SERPINC1: variants seen among roughly 807,000 people sequenced by gnomAD.
The protein encoded by SERPINC1 is serpin family C member 1.
Under a neutral mutation model 43.4 loss-of-function variants are expected in SERPINC1, and 12 were observed. The observed-to-expected ratio is 0.28, with a 90% CI of 0.18 to 0.45. SERPINC1 has a LOEUF of 0.45. SERPINC1 is among the 20% of genes least tolerant of loss of function. The pLI is 1.00. For synonymous variants in SERPINC1, 210 were observed against 218.9 expected, an observed-to-expected ratio of 0.96 and a Z score of 0.36; for missense variants, 423 against 578.8, an observed-to-expected ratio of 0.73 and a Z score of 2.76.
chr1:173,913,658 T>TA (rs1264862080), intron 2 of SERPINC1, among the ~76,000 whole-genome samples: 1 of 151,990 alleles, frequency 6.6e-6, no homozygotes, highest in Non-Finnish European at 1.5e-5. Flanking sequence ...AGTTCAAGAC[T>TA]AGCCTGGCCA....
At position 173,910,838 on chromosome 1, in the gene SERPINC1, G is replaced by C. The variant is rs2227627; in HGVS notation, c.678C>G (p.Thr226=). The change falls in exon 4 of 7, where the codon ACC becomes ACG. Residue 226 remains threonine, a synonymous_variant. Transcript: ENST00000367698. ...AAINKWVSNK[T]EGRITDVIPS... ...GAATGACATCGGTGATTCGGCCTTC[G>C]GTCTTATTGGACACCCATTTGTTGA... The C allele has an allele frequency of 6.2e-6, 10 of 1,613,920 alleles. 1 individual carries two copies. The highest frequency in any genetic ancestry group is 2.2e-5 in the South Asian group (2 of 91,080).
At chr1:173,905,635 C>T (rs1420328642) in intron 6 of SERPINC1, among the ~76,000 whole-genome samples, 6 of 151,994 alleles carry the variant, frequency 3.9e-5, no homozygotes, top group South Asian at 2.1e-4. Context: ...GCGAGAGGAT[C>T]GCTTGAACCC....
In SERPINC1 at chr1:173,914,769, C is replaced by T. The variant is rs1462236331; in HGVS notation, c.192G>A (p.Glu64=). ...GGATCTTCTGTTCTGAGCCCTCATC[C>T]TCAGTTGCCTTCTTCTCCGGGGAGC... ...IYRSPEKKAT[E]DEGSEQKIPE... Residue 64 remains glutamate (E), a synonymous_variant, in exon 2 of 7, where the codon GAG becomes GAA. Coordinates refer to ENST00000367698, the MANE Select transcript of SERPINC1 (RefSeq NM_000488.4). 2 of 1,614,076 alleles carry T rather than the reference C, an allele frequency of 1.2e-6. No individual in the cohort carries two copies. The highest frequency in any genetic ancestry group is 1.7e-6 in the Non-Finnish European group (2 of 1,179,998).
intron 2 of SERPINC1, 61 bp downstream of exon 2, chr1:173,914,492 C>T (rs1657903461): frequency 6.2e-7 from 1 of 1,601,918 alleles, no homozygotes; most frequent in African/African-American, 1.3e-5. Context: ...TGGACTTGGG[C>T]CTATGGAAGC....
In SERPINC1 at chr1:173,910,040, T is replaced by C. The variant is rs2227610; in HGVS notation, c.763-98A>G. 1,244 of 1,255,008 alleles carry C rather than the reference T, an allele frequency of 9.9e-4. 9 individuals carry two copies. In the African/African-American group the frequency reaches 0.015, roughly 15 times the overall value. 77.7% of individuals were successfully genotyped at this position (1,255,008 alleles called of 1,614,324 possible). On this transcript the variant is annotated intron_variant, in intron 4 of 6. Transcript: ENST00000367698. ...TTATAGTGTTACATTAATATATAAT[T>C]ATTCGGAAAAAAGACTGGCGGGATA... is the stretch of plus-strand genomic sequence containing the variant.
At chr1:173,908,490 CAAAAAAAAAAA>C (rs753240633) in intron 5 of SERPINC1, among the ~76,000 whole-genome samples, 2 of 54,046 alleles carry the variant, frequency 3.7e-5, no homozygotes, top group East Asian at 4.7e-4. Context: ...GACTTCGTCT[CAAAAAAAAAAA>C]AAAAAAAAAA....
At chr1:173,905,650 G>A (rs1326046818) in intron 6 of SERPINC1, among the ~76,000 whole-genome samples, 1 of 152,080 alleles carries the variant, frequency 6.6e-6, no homozygotes, top group Non-Finnish European at 1.5e-5. Flanking sequence ...GAACCCAGGA[G>A]GCGGAGGTTG....
chr1:173,904,203 C>T (rs1283541062), intron 6 of SERPINC1, 138 bp from the exon 7 acceptor site: 8 of 759,120 alleles, frequency 1.1e-5, no homozygotes, highest in Non-Finnish European at 1.8e-5. Flanking sequence ...GGTTGGATTC[C>T]CTCCAGAATC....
In SERPINC1 at chr1:173,914,564, G is replaced by T. The variant is rs1411331203; in HGVS notation, c.397C>A (p.Gln133Lys). 1 of 1,614,022 alleles carries T rather than the reference G, an allele frequency of 6.2e-7. No individual in the cohort carries two copies. Among genetic ancestry groups the T allele is most frequent in the African/African-American group, 1.3e-5 (1 of 74,922 alleles). ...KLGACNDTLQ[Q>K]LMEVFKFDTI... ...ACCTTTGGTCGTACCTCCATCAGTT[G>T]CTGGAGGGTGTCATTACAGGCACCC... The change falls in exon 2 of 7, where the codon CAA becomes AAA. Residue 133 changes from glutamine to lysine, a missense_variant. Physicochemically the swap from Gln to Lys is moderately conservative, Grantham distance 53 (BLOSUM62 1). Coordinates refer to ENST00000367698, the MANE Select transcript of SERPINC1 (RefSeq NM_000488.4).
chr1:173,908,420 G>GT (rs1354873651), intron 5 of SERPINC1, among the ~76,000 whole-genome samples: 1 of 149,598 alleles, frequency 6.7e-6, no homozygotes, highest in Non-Finnish European at 1.5e-5. Flanking sequence ...AATCTGGGGG[G>GT]TGGAGGTTGC....
In SERPINC1 at chr1:173,911,789, T is replaced by C. The variant is rs780169420; in HGVS notation, c.624+10A>G. The C allele has an allele frequency of 9.3e-6, 15 of 1,609,540 alleles. No individual in the cohort carries two copies. The highest frequency in any genetic ancestry group is 1.3e-5 in the Non-Finnish European group (15 of 1,175,762). On this transcript the variant is annotated intron_variant, in intron 3 of 6. Coordinates refer to ENST00000367698, the MANE Select transcript of SERPINC1 (RefSeq NM_000488.4). ...GAACTCGGAGGTCAGGGGTAACATCTGCAACTCACCTTGAAGTCCAGGGGC... is the reference window on the plus strand; with the variant it reads ...GAACTCGGAGGTCAGGGGTAACATCCGCAACTCACCTTGAAGTCCAGGGGC...
chr1:173,916,277 G>C (rs560226393), intron 1 of SERPINC1, among the ~76,000 whole-genome samples: 1 of 152,366 alleles, frequency 6.6e-6, no homozygotes, highest in Non-Finnish European at 1.5e-5. Flanking sequence ...AAGGGGGTCT[G>C]TGTGTGGGTA....
At chr1:173,904,391 C>T (rs989894873) in intron 6 of SERPINC1, among the ~76,000 whole-genome samples, 4 of 152,022 alleles carry the variant, frequency 2.6e-5, no homozygotes, top group African/African-American at 9.7e-5. Flanking sequence ...TTTTTTTGTA[C>T]CAGCCGCTGA....
rs1261533554 is a variant in SERPINC1, at chr1:173,903,829, T to C, written c.*60A>G. The C allele has an allele frequency of 1.4e-6, 2 of 1,433,572 alleles. No homozygotes were observed. Among genetic ancestry groups the C allele is most frequent in the Non-Finnish European group, 2.0e-6 (2 of 1,017,736 alleles). 88.8% of individuals were successfully genotyped at this position (1,433,572 alleles called of 1,614,324 possible). On this transcript the variant is annotated 3_prime_UTR_variant, in exon 7 of 7. Transcript: ENST00000367698. Reference sequence around the variant, plus strand: ...TAATGTGAGATGGAAGTAGTTTGTATTTATTTTTACTTCTGTTCACAAACC... The same window carrying C: ...TAATGTGAGATGGAAGTAGTTTGTACTTATTTTTACTTCTGTTCACAAACC...
chr1:173,903,827 T>A lies in SERPINC1; in HGVS notation c.*62A>T. ...TATAATGTGAGATGGAAGTAGTTTG[T>A]ATTTATTTTTACTTCTGTTCACAAA... On this transcript the variant is annotated 3_prime_UTR_variant, in exon 7 of 7. Transcript: ENST00000367698. 1 of 1,383,636 alleles carries A rather than the reference T, an allele frequency of 7.2e-7. No individual in the cohort carries two copies. Among genetic ancestry groups the A allele is most frequent in the Non-Finnish European group, 1.0e-6 (1 of 972,202 alleles). The allele number at this position is 1,383,636 out of a possible 1,614,324, so 85.7% of individuals were successfully genotyped here. A position where few individuals can be genotyped will look rare whatever the true frequency, so the allele number is the denominator to read the frequency against.
At chr1:173,908,600 G>A (rs1160023293) in intron 5 of SERPINC1, among the ~76,000 whole-genome samples, 1 of 150,772 alleles carries the variant, frequency 6.6e-6, no homozygotes, top group South Asian at 2.1e-4. Flanking sequence ...TCACTCTGTT[G>A]CTCAGGCTGG....
At chr1:173,914,411 G>T in intron 2 of SERPINC1, 142 bp downstream of exon 2, 1 of 906,132 alleles carries the variant, frequency 1.1e-6, no homozygotes, top group Non-Finnish European at 1.8e-6. Flanking sequence ...TTATAACACA[G>T]TGATGTTCAA....
chr1:173,909,996 G>A (rs1424419489), intron 4 of SERPINC1, 54 bp from the exon 5 acceptor site: 1 of 1,540,460 alleles, frequency 6.5e-7, no homozygotes, highest in Admixed American at 1.7e-5. Flanking sequence ...GATAGTTATT[G>A]ACACAAGACA....
chr1:173,910,056 T>G lies in SERPINC1; in HGVS notation c.763-114A>C, dbSNP rs1281896519. ...ATATATAATTATTCGGAAAAAAGAC[T>G]GGCGGGATATGCACAAAAAGGTTAA... On this transcript the variant is annotated intron_variant, in intron 4 of 6. Coordinates refer to ENST00000367698, the MANE Select transcript of SERPINC1 (RefSeq NM_000488.4). 7.8e-6 allele frequency: 8 copies of G among 1,024,416 alleles called. No individual in the cohort carries two copies. The East Asian group carries it at 1.8e-4, about 23-fold the overall frequency. The allele number at this position is 1,024,416 out of a possible 1,614,324, so 63.5% of individuals were successfully genotyped here. A position where few individuals can be genotyped will look rare whatever the true frequency, so the allele number is the denominator to read the frequency against.
Sources: allele counts gnomAD v4.1 joint callset (sites outside exome capture counted in the v4.1 genomes callset), GRCh38; gene constraint gnomAD v4.1.1; transcripts MANE v1.5; gene names NCBI Gene and HGNC (gene_info 2026-07-23, HGNC 2026-07-21).